Variants in CX3CR1 observed in about 807,000 individuals in gnomAD.
The protein encoded by CX3CR1 is C-X3-C motif chemokine receptor 1.
For missense variants in CX3CR1, 363 were observed against 432.4 expected, an observed-to-expected ratio of 0.84 and a Z score of 1.42; for synonymous variants, 168 against 178.5, an observed-to-expected ratio of 0.94 and a Z score of 0.47.
Position 39,279,958 on chromosome 3 carries a change from C to G in CX3CR1, c.-14G>C. On this transcript the variant is annotated 5_prime_UTR_variant, in exon 1 of 2. Coordinates refer to ENST00000399220, the MANE Select transcript of CX3CR1 (RefSeq NM_001337.4). ...CAACTAGTCCTGTGCACCTACCTGGCGTGGACTGCCAAGGGAACCTCTGGA... is the reference window on the plus strand; with the variant it reads ...CAACTAGTCCTGTGCACCTACCTGGGGTGGACTGCCAAGGGAACCTCTGGA... 1 of 985,408 alleles carries G rather than the reference C, an allele frequency of 1.0e-6. No individual in the cohort carries two copies. The highest frequency in any genetic ancestry group is 1.2e-6 in the Non-Finnish European group (1 of 829,870). The allele number at this position is 985,408 out of a possible 1,614,324, so 61.0% of individuals were successfully genotyped here. A position where few individuals can be genotyped will look rare whatever the true frequency, so the allele number is the denominator to read the frequency against.
chr3:39,285,598 A>AAACTATTT (rs2040938004), upstream of CX3CR1, among the ~76,000 whole-genome samples: 1 of 152,238 alleles, frequency 6.6e-6, no homozygotes, highest in Admixed American at 6.5e-5. Flanking sequence ...TACTTAGGAT[A>AAACTATTT]AACTATTTTT....
At chr3:39,271,450 C>T (rs9868689) in intron 1 of CX3CR1, among the ~76,000 whole-genome samples, 27,338 of 152,026 alleles carry the variant, frequency 0.18, 2,605 homozygotes, top group Non-Finnish European at 0.21. Flanking sequence ...ATATGGAGCC[C>T]CAGGAGATGA....
rs1199733869 is a variant in CX3CR1, at chr3:39,266,022, G to A, written c.488C>T (p.Pro163Leu). ...TTTCTGCTTTGTGAACATGAACTGGGGTGCTGCCACCAAAATGGCTGCTGC... is the reference window on the plus strand; with the variant it reads ...TTTCTGCTTTGTGAACATGAACTGGAGTGCTGCCACCAAAATGGCTGCTGC... ...VWAAAILVAAPQFMFTKQKEN... is the reference protein window; with the variant it reads ...VWAAAILVAALQFMFTKQKEN... The change falls in exon 2 of 2, where the codon CCC (proline) becomes CTC (leucine). Residue 163 changes from proline (P) to leucine (L), a missense_variant. Transcript: ENST00000399220. The A allele has an allele frequency of 1.9e-6, 3 of 1,614,148 alleles. No individual in the cohort carries two copies. Among genetic ancestry groups the A allele is most frequent in the South Asian group, 1.1e-5 (1 of 91,080 alleles).
At chr3:39,267,661 CAT>C (rs1345946661) in intron 1 of CX3CR1, among the ~76,000 whole-genome samples, 2 of 152,176 alleles carry the variant, frequency 1.3e-5, no homozygotes, top group African/African-American at 4.8e-5. Flanking sequence ...ACTCTGCAGT[CAT>C]AGAGGGGCTG....
upstream of CX3CR1, chr3:39,280,333 A>C (rs2040881164): frequency 2.0e-6 from 2 of 985,376 alleles, no homozygotes; most frequent in East Asian, 1.1e-4. Flanking sequence ...GGGAGCCTTC[A>C]GGAAGCTGGG....
chr3:39,291,213 T>C, the CX3CR1 span, among the ~76,000 whole-genome samples: 1 of 151,932 alleles, frequency 6.6e-6, no homozygotes, highest in Non-Finnish European at 1.5e-5. Flanking sequence ...CCTGCCACTA[T>C]GTCCACCTAG....
At position 39,265,535 on chromosome 3, in the gene CX3CR1, G is replaced by A. The variant is rs765224812; in HGVS notation, c.975C>T (p.Ser325=). Residue 325 remains serine, a synonymous_variant, in exon 2 of 2, where the codon TCC becomes TCT. Coordinates refer to ENST00000399220, the MANE Select transcript of CX3CR1 (RefSeq NM_001337.4). ...LCGRSVHVDF[S]SSESQRSRHG... ...GCCTGCTCCTTTGTGATTCAGATGA[G>A]GAGAAATCAACGTGGACTGAGCGCC... The A allele has an allele frequency of 1.1e-5, 17 of 1,614,186 alleles. No homozygotes were observed. The South Asian group carries it at 1.9e-4, about 18-fold the overall frequency.
At chr3:39,288,902 T>G in the CX3CR1 span, among the ~76,000 whole-genome samples, 1 of 152,196 alleles carries the variant, frequency 6.6e-6, no homozygotes, top group African/African-American at 2.4e-5. Context: ...CAGTGGCTCA[T>G]GCCTGTAATC....
upstream of CX3CR1, chr3:39,280,903 T>C (rs549142771): frequency 6.0e-6 from 1 of 167,626 alleles, no homozygotes; most frequent in African/African-American, 2.4e-5. Context: ...TGGCATATGC[T>C]ATATAATTCT....
chr3:39,279,089 C>G (rs1296895227), intron 1 of CX3CR1, among the ~76,000 whole-genome samples: 1 of 152,086 alleles, frequency 6.6e-6, no homozygotes, highest in Admixed American at 6.5e-5. Flanking sequence ...ACCCAGGAGG[C>G]AGAGGTTGCA....
chr3:39,269,467 G>T lies in CX3CR1; in HGVS notation c.-9-2949C>A, dbSNP rs138445309. ...TACAGTCTAAGCCAGGAAGGGGCTT[G>T]TCTTCTCAATGGGGAAAATTCACAT... is the stretch of plus-strand genomic sequence containing the variant. On this transcript the variant is annotated intron_variant, in intron 1 of 1. Transcript: ENST00000399220. 1.4e-4 allele frequency among the ~76,000 whole-genome samples: 22 copies of T among 152,346 alleles called. No individual in the cohort carries two copies. In the East Asian group the frequency reaches 4.2e-3, roughly 29 times the overall value.
chr3:39,272,514 C>T (rs1291866522), intron 1 of CX3CR1, among the ~76,000 whole-genome samples: 1 of 152,164 alleles, frequency 6.6e-6, no homozygotes, highest in East Asian at 1.9e-4. Context: ...CTATACTTCC[C>T]TTCTTCTTTA....
chr3:39,280,263 G>T (rs34571589), upstream of CX3CR1: 47 of 985,672 alleles, frequency 4.8e-5, no homozygotes, highest in East Asian at 5.0e-3. Context: ...ACCTGGAGGT[G>T]GGGGGCAGGG....
chr3:39,281,940 A>G (rs2040905983), upstream of CX3CR1, among the ~76,000 whole-genome samples: 1 of 152,176 alleles, frequency 6.6e-6, no homozygotes, highest in South Asian at 2.1e-4. Flanking sequence ...GTCCAGTGTC[A>G]GTTGCCTTGC....
At chr3:39,281,828 G>C (rs1382219215), upstream of CX3CR1, 3 of 687,768 alleles carry the variant, frequency 4.4e-6, no homozygotes, top group African/African-American at 3.5e-5. Flanking sequence ...TCACCTGGCT[G>C]TCCTGTCCAG....
chr3:39,281,711 C>T (rs762238529), upstream of CX3CR1: 34 of 1,586,694 alleles, frequency 2.1e-5, no homozygotes, highest in South Asian at 8.9e-5. Flanking sequence ...TTTAAGTCCA[C>T]GGCCTGGTAA....
At chr3:39,280,215 A>T, upstream of CX3CR1, 1 of 985,610 alleles carries the variant, frequency 1.0e-6, no homozygotes, top group Non-Finnish European at 1.2e-6. Context: ...CTCAGGGAAG[A>T]CTGCGGAGCT....
chr3:39,275,874 A>G (rs1426896993), intron 1 of CX3CR1, among the ~76,000 whole-genome samples: 2 of 151,574 alleles, frequency 1.3e-5, no homozygotes, highest in African/African-American at 4.9e-5. Flanking sequence ...TTGAACCTCT[A>G]TATCTGTCTC....
chr3:39,271,857 C>T (rs1459696700), intron 1 of CX3CR1, among the ~76,000 whole-genome samples: 1 of 152,204 alleles, frequency 6.6e-6, no homozygotes, highest in African/African-American at 2.4e-5. Context: ...GCTGAGTGTA[C>T]CTCCTATTTG....
Sources: gnomAD v4.1 joint callset for allele counts (sites outside exome capture counted in the v4.1 genomes callset) on GRCh38, gnomAD v4.1.1 for gene constraint, MANE v1.5 for transcripts, NCBI Gene and HGNC (gene_info 2026-07-23, HGNC 2026-07-21) for gene names.